The following ATP7B variants were observed in gnomAD, a reference collection of about 807,000 sequenced individuals.
The protein encoded by ATP7B is copper-transporting ATPase 2.
Under a neutral mutation model 118.9 loss-of-function variants are expected in ATP7B, and 113 were observed. The observed-to-expected ratio is 0.95, with a 90% CI of 0.82 to 1.11. The LOEUF is 1.11. Ranked by LOEUF, ATP7B falls within the 50% of genes most tolerant of loss-of-function variation. The pLI, the probability that ATP7B is intolerant of heterozygous loss-of-function variation, is 0.00. For synonymous variants in ATP7B, 777 were observed against 727.4 expected, an observed-to-expected ratio of 1.07 and a Z score of -1.10; for missense variants, 1,867 against 1,871.4, an observed-to-expected ratio of 1.00 and a Z score of 0.04.
chr13:51,952,709 A>G (rs773903688), intron 9 of ATP7B, among the ~76,000 whole-genome samples: 12 of 152,150 alleles, frequency 7.9e-5, no homozygotes, highest in African/African-American at 1.7e-4. Context: ...TTGCATCATT[A>G]TTTTCCTTTG....
At chr13:51,962,640 T>C (rs748786454) in intron 5 of ATP7B, among the ~76,000 whole-genome samples, 4 of 152,154 alleles carry the variant, frequency 2.6e-5, no homozygotes, top group Non-Finnish European at 4.4e-5. Context: ...GACAAATCCT[T>C]TTACAAGTAA....
At chr13:51,945,308 T>C (rs899626672) in intron 13 of ATP7B, among the ~76,000 whole-genome samples, 1 of 152,186 alleles carries the variant, frequency 6.6e-6, no homozygotes, top group African/African-American at 2.4e-5. Context: ...GGTTCCTCTC[T>C]CTCAATGATT....
chr13:51,983,156 A>G (rs1952500691), intron 1 of ATP7B, among the ~76,000 whole-genome samples: 1 of 152,148 alleles, frequency 6.6e-6, no homozygotes, highest in Non-Finnish European at 1.5e-5. Flanking sequence ...GCAAGTTAAG[A>G]TCCACTGGTT....
intron 1 of ATP7B, among the ~76,000 whole-genome samples, chr13:52,007,518 T>C (rs1303449278): frequency 6.6e-6 from 1 of 152,190 alleles, no homozygotes; most frequent in Non-Finnish European, 1.5e-5. Context: ...TTCTGTACTG[T>C]TTCCACTCAC....
At chr13:51,937,874 G>A (rs559313918) in intron 17 of ATP7B, among the ~76,000 whole-genome samples, 195 bp from the exon 18 acceptor site, 1 of 152,268 alleles carries the variant, frequency 6.6e-6, no homozygotes, top group Admixed American at 6.5e-5. Flanking sequence ...CACTGGTTTA[G>A]GCCCTGTCCT....
chr13:51,970,475 G>T lies in ATP7B; in HGVS notation c.1543+17C>A. On this transcript the variant is annotated intron_variant, in intron 3 of 20. Transcript: ENST00000242839. ...TACGCAGCATTCCTAAGTTCAACAT[G>T]GGCGTTCATCTCTTACCAGCTTCTT... 1 of 1,614,060 alleles carries T rather than the reference G, an allele frequency of 6.2e-7. No individual in the cohort carries two copies. The highest frequency in any genetic ancestry group is 1.1e-5 in the South Asian group (1 of 91,060).
chr13:51,940,730 G>A (rs971505082), intron 16 of ATP7B, among the ~76,000 whole-genome samples: 2 of 152,174 alleles, frequency 1.3e-5, no homozygotes, highest in Admixed American at 1.3e-4. Context: ...AATGCATCCT[G>A]TAGTTAAACC....
chr13:51,954,366 C>T (rs571241103), intron 9 of ATP7B, among the ~76,000 whole-genome samples: 92 of 152,284 alleles, frequency 6.0e-4, no homozygotes, highest in Middle Eastern at 3.4e-3. Context: ...CAGCATGCAG[C>T]CATTGAAGGA....
At chr13:51,975,618 G>C in intron 1 of ATP7B, 1 of 496,946 alleles carries the variant, frequency 2.0e-6, no homozygotes, top group South Asian at 1.5e-5. Context: ...GGGTCCTGCT[G>C]AAATACAAAC....
chr13:52,003,085 T>C (rs919636282), intron 1 of ATP7B, among the ~76,000 whole-genome samples: 7 of 152,222 alleles, frequency 4.6e-5, no homozygotes, highest in South Asian at 2.1e-4. Flanking sequence ...TTTCTTATCA[T>C]TTATCTGTTC....
chr13:52,003,888 GAA>G (rs1953648502), intron 1 of ATP7B, among the ~76,000 whole-genome samples: 1 of 152,178 alleles, frequency 6.6e-6, no homozygotes, highest in African/African-American at 2.4e-5. Flanking sequence ...TTAAGATGTT[GAA>G]AACTGGCCAA....
intron 2 of ATP7B, among the ~76,000 whole-genome samples, chr13:51,973,436 T>C (rs1951937807): frequency 6.6e-6 from 1 of 152,202 alleles, no homozygotes; most frequent in African/African-American, 2.4e-5. Flanking sequence ...ATGAGGGTTC[T>C]ACCCTCATGA....
chr13:51,993,075 AAG>A (rs1289521592), intron 1 of ATP7B, among the ~76,000 whole-genome samples: 3 of 151,842 alleles, frequency 2.0e-5, no homozygotes, highest in Admixed American at 2.0e-4. Context: ...TGCAAAGTAT[AAG>A]ATAGTATGTA....
At chr13:51,985,786 T>A (rs1220714900) in intron 1 of ATP7B, among the ~76,000 whole-genome samples, 1 of 152,166 alleles carries the variant, frequency 6.6e-6, no homozygotes, top group Non-Finnish European at 1.5e-5. Flanking sequence ...TAAAACTACA[T>A]GGAAACTGAA....
At chr13:51,962,514 C>G (rs553723762) in intron 5 of ATP7B, among the ~76,000 whole-genome samples, 2 of 152,174 alleles carry the variant, frequency 1.3e-5, no homozygotes, top group East Asian at 3.8e-4. Flanking sequence ...AAAACTGCCA[C>G]GAATGCTCTT....
intron 9 of ATP7B, 80 bp from the exon 10 acceptor site, chr13:51,950,479 T>C: frequency 6.3e-7 from 1 of 1,585,784 alleles, no homozygotes; most frequent in Non-Finnish European, 8.6e-7. Flanking sequence ...GTTACAATAG[T>C]TACACTGTAT....
intron 4 of ATP7B, chr13:51,967,209 G>T: frequency 3.4e-6 from 4 of 1,170,448 alleles, no homozygotes; most frequent in South Asian, 2.5e-5. Context: ...TCAGTTCAAT[G>T]AGCAAATCTC....
At chr13:51,963,749 A>AC (rs1958906333) in intron 5 of ATP7B, among the ~76,000 whole-genome samples, 2 of 149,444 alleles carry the variant, frequency 1.3e-5, no homozygotes, top group African/African-American at 5.0e-5. Flanking sequence ...AAAAAAAAAA[A>AC]AAAAAAAAAA....
chr13:51,966,776 G>T, intron 4 of ATP7B: 2 of 1,601,164 alleles, frequency 1.2e-6, no homozygotes, highest in South Asian at 2.2e-5. Context: ...GGAAGATGGC[G>T]CCTGCTGGAC....
Sources: gnomAD v4.1 joint callset for allele counts (sites outside exome capture counted in the v4.1 genomes callset) on GRCh38, gnomAD v4.1.1 for gene constraint, MANE v1.5 for transcripts, NCBI Gene and HGNC (gene_info 2026-07-23, HGNC 2026-07-21) for gene names.